Variants in NELL1 observed in about 807,000 individuals in gnomAD.
NELL1 encodes neural EGFL like 1.
Under a neutral mutation model 107.4 loss-of-function variants are expected in NELL1, and 76 were observed. The observed-to-expected ratio is 0.71, with a 90% CI of 0.59 to 0.86. NELL1 has a LOEUF of 0.86. Among genes scored for constraint, NELL1 ranks in the 40% least tolerant of loss-of-function variants. The probability of loss-of-function intolerance (pLI) is 0.00; values close to 1 mark genes in which losing one functional copy is unlikely to be tolerated. For synonymous variants in NELL1, 353 were observed against 341.2 expected, an observed-to-expected ratio of 1.03 and a Z score of -0.38; for missense variants, 1,024 against 1,005.5, an observed-to-expected ratio of 1.02 and a Z score of -0.25.
At position 21,225,736 on chromosome 11, in the gene NELL1, G is replaced by A. The variant is rs150032150; in HGVS notation, c.1427-3596G>A. 3.2e-3 allele frequency among the ~76,000 whole-genome samples: 492 copies of A among 152,220 alleles called. 2 individuals carry two copies. Among genetic ancestry groups the A allele is most frequent in the Non-Finnish European group, 3.4e-3 (234 of 68,014 alleles). Reference sequence around the variant, plus strand: ...AGTAATTGTCGCAGCAATATTAGTAGAATTAGTAGTAGTAGTAGTAATAGT... The same window carrying A: ...AGTAATTGTCGCAGCAATATTAGTAAAATTAGTAGTAGTAGTAGTAATAGT... On this transcript the variant is annotated intron_variant, in intron 13 of 19. Coordinates refer to ENST00000357134, the MANE Select transcript of NELL1 (RefSeq NM_006157.5).
chr11:20,684,636 T>C (rs1854264758), intron 2 of NELL1, among the ~76,000 whole-genome samples: 1 of 152,284 alleles, frequency 6.6e-6, no homozygotes, highest in African/African-American at 2.4e-5. Flanking sequence ...TTTTGATTAA[T>C]GGCCAGTCAT....
chr11:21,447,141 T>C (rs1853452670), intron 15 of NELL1, among the ~76,000 whole-genome samples: 3 of 151,942 alleles, frequency 2.0e-5, no homozygotes, highest in Admixed American at 2.0e-4. Context: ...TGGTGAATAC[T>C]GCTATGCCTG....
rs548079043 is a variant in NELL1 at position 21,125,584 on chromosome 11, A to G, written c.1426+11870A>G. Among the ~76,000 whole-genome samples the G allele has an allele frequency of 2.0e-3, 301 of 152,362 alleles. 1 individual carries two copies. Among genetic ancestry groups the G allele is most frequent in the Non-Finnish European group, 3.4e-3 (234 of 68,044 alleles). On this transcript the variant is annotated intron_variant, in intron 13 of 19. Transcript: ENST00000357134. The stretch of plus-strand genomic sequence containing the variant: ...TAAGTAGAATAATTTTATCAGGCAT[A>G]TAACTGAGTTCTAAATTGTGAGTTA...
intron 14 of NELL1, among the ~76,000 whole-genome samples, chr11:21,326,157 AT>A (rs56685923): frequency 0.21 from 28,016 of 130,998 alleles, 3,073 homozygotes; most frequent in Middle Eastern, 0.26. Flanking sequence ...CCATTTTGCT[AT>A]TTTTTTTTTT....
At chr11:21,172,413 T>C (rs1309462245) in intron 13 of NELL1, among the ~76,000 whole-genome samples, 1 of 151,854 alleles carries the variant, frequency 6.6e-6, no homozygotes, top group African/African-American at 2.4e-5. Context: ...TCTAGTGAAA[T>C]GTGACTTTGC....
chr11:20,774,679 G>A (rs972049491), intron 2 of NELL1, among the ~76,000 whole-genome samples: 2 of 152,136 alleles, frequency 1.3e-5, no homozygotes, highest in East Asian at 1.9e-4. Flanking sequence ...TGCTCAGTAA[G>A]GGTTTTTAAA....
At chr11:20,818,406 C>CTTTTTTTTTTTTTTT (rs57318040) in intron 3 of NELL1, among the ~76,000 whole-genome samples, 4 of 108,730 alleles carry the variant, frequency 3.7e-5, no homozygotes, top group Non-Finnish European at 3.9e-5. Flanking sequence ...GCAACCCCTG[C>CTTTTTTTTTTTTTTT]TTTTTTTTTT....
At chr11:21,528,638 A>G (rs1405374806) in intron 15 of NELL1, among the ~76,000 whole-genome samples, 1 of 147,382 alleles carries the variant, frequency 6.8e-6, no homozygotes, top group Admixed American at 6.9e-5. Context: ...TTTTCTTCAT[A>G]AATTACTCAA....
intron 16 of NELL1, among the ~76,000 whole-genome samples, chr11:21,537,089 T>C (rs1395287198): frequency 6.6e-6 from 1 of 152,200 alleles, no homozygotes; most frequent in Non-Finnish European, 1.5e-5. Flanking sequence ...TTTCTTTTTA[T>C]TTCCACACTT....
intron 16 of NELL1, among the ~76,000 whole-genome samples, chr11:21,544,647 G>A (rs1856386378): frequency 6.6e-6 from 1 of 151,780 alleles, no homozygotes; most frequent in African/African-American, 2.4e-5. Context: ...ACTCCACCAG[G>A]TAGAAATATT....
At chr11:20,991,653 G>A (rs146143929) in intron 12 of NELL1, among the ~76,000 whole-genome samples, 73 of 152,208 alleles carry the variant, frequency 4.8e-4, no homozygotes, top group African/African-American at 1.5e-3. Context: ...CGGATTGGTC[G>A]TTTGTTTGCA....
At chr11:21,134,918 A>G (rs1855710358) in intron 13 of NELL1, among the ~76,000 whole-genome samples, 2 of 152,210 alleles carry the variant, frequency 1.3e-5, no homozygotes, top group South Asian at 4.1e-4. Context: ...CATTTGTATA[A>G]TGTGCATAAT....
intron 12 of NELL1, among the ~76,000 whole-genome samples, chr11:21,008,523 T>G (rs139799019): frequency 6.6e-6 from 1 of 152,238 alleles, no homozygotes; most frequent in Admixed American, 6.5e-5. Flanking sequence ...TTTAGAATCA[T>G]AGTAGGTGCT....
At chr11:21,568,469 AAATT>A (rs1857022460) in intron 17 of NELL1, among the ~76,000 whole-genome samples, 1 of 151,784 alleles carries the variant, frequency 6.6e-6, no homozygotes, top group Admixed American at 6.6e-5. Flanking sequence ...TTTCTTCAAT[AAATT>A]AACCTTAGCT....
In NELL1 at chr11:20,686,079, T is replaced by G. The variant is rs540688748; in HGVS notation, c.184+8019T>G. Among the ~76,000 whole-genome samples the G allele has an allele frequency of 1.3e-3, 203 of 151,854 alleles. 1 individual carries two copies. Among genetic ancestry groups the G allele is most frequent in the African/African-American group, 4.6e-3 (189 of 41,460 alleles). On this transcript the variant is annotated intron_variant, in intron 2 of 19. Coordinates refer to ENST00000357134, the MANE Select transcript of NELL1 (RefSeq NM_006157.5). ...GGGAAAGCACTTCAAAAGTGCAAAG[T>G]GTAAAAAAAAAACAGTTCATTATTC...
chr11:21,402,558 A>G (rs1852123349), intron 15 of NELL1, among the ~76,000 whole-genome samples: 1 of 151,802 alleles, frequency 6.6e-6, no homozygotes, highest in Admixed American at 6.6e-5. Flanking sequence ...AAGTATGATC[A>G]TAAGGAAAGA....
At chr11:20,947,003 A>G (rs1248029192) in intron 10 of NELL1, among the ~76,000 whole-genome samples, 1 of 151,198 alleles carries the variant, frequency 6.6e-6, no homozygotes, top group Non-Finnish European at 1.5e-5. Flanking sequence ...TACATCATAG[A>G]AATTAGGAAA....
chr11:20,963,645 G>A (rs1851333431), intron 12 of NELL1, among the ~76,000 whole-genome samples: 1 of 152,024 alleles, frequency 6.6e-6, no homozygotes, highest in Non-Finnish European at 1.5e-5. Context: ...GCTTACAGAT[G>A]GCCAAATGCC....
Position 21,103,356 on chromosome 11 carries a change from C to T in NELL1, c.1301-10233C>T, listed in dbSNP as rs150978286. On this transcript the variant is annotated intron_variant, in intron 12 of 19. Coordinates refer to ENST00000357134, the MANE Select transcript of NELL1 (RefSeq NM_006157.5). ...CTGTGGGAAATTGCTATCGAATTAA[C>T]CAAGAAATGTGAATACTTTTAAAGG... Among the ~76,000 whole-genome samples, 9 of 152,152 alleles carry T rather than the reference C, an allele frequency of 5.9e-5. No individual in the cohort carries two copies. The East Asian group carries it at 1.7e-3, about 30-fold the overall frequency.
Sources: gnomAD v4.1 joint callset for allele counts (sites outside exome capture counted in the v4.1 genomes callset) on GRCh38, gnomAD v4.1.1 for gene constraint, MANE v1.5 for transcripts, NCBI Gene and HGNC (gene_info 2026-07-23, HGNC 2026-07-21) for gene names.